Variants in CYB561D1 observed in about 807,000 individuals in gnomAD.
CYB561D1 encodes cytochrome b561 family member D1.
CYB561D1 carries 15 observed loss-of-function variants against 19.2 expected under a neutral mutation model. That is an observed-to-expected ratio of 0.78 (90% CI 0.52 to 1.20). The LOEUF is 1.20. CYB561D1 is among the 50% of genes most tolerant of loss of function. The probability of loss-of-function intolerance (pLI) is 0.00; values close to 1 mark genes in which losing one functional copy is unlikely to be tolerated. For missense variants in CYB561D1, 297 were observed against 287.3 expected (o/e 1.03, Z -0.24); for synonymous variants, 133 against 120.6 (o/e 1.10, Z -0.68).
At chr1:109,494,601 C>A (rs180719061) in intron 1 of CYB561D1, 12 of 1,355,694 alleles carry the variant, frequency 8.9e-6, no homozygotes, top group Admixed American at 2.3e-5. Context: ...CTTTGGGAGG[C>A]CGACGCGGGT....
chr1:109,496,217 G>C lies in CYB561D1; in HGVS notation c.648G>C (p.Gln216His), dbSNP rs1275467066. The C allele has an allele frequency of 5.7e-6, 9 of 1,580,282 alleles. No homozygotes were observed. The highest frequency in any genetic ancestry group is 7.8e-6 in the Non-Finnish European group (9 of 1,156,454). ...PVYPALVIMH[Q>H]ISRSYLPRKK... ...ATCCAGCCCTGGTGATCATGCACCAGATTTCCAGATCCTACTTGCCGAGGA... is the reference window on the plus strand; with the variant it reads ...ATCCAGCCCTGGTGATCATGCACCACATTTCCAGATCCTACTTGCCGAGGA... The change falls in exon 3 of 3, where the codon CAG (glutamine) becomes CAC (histidine). Residue 216 changes from glutamine to histidine, a missense_variant. Transcript: ENST00000420578.
In CYB561D1 at chr1:109,499,174, A is replaced by T. The variant is rs1054016096; in HGVS notation, c.*2915A>T. On this transcript the variant is annotated 3_prime_UTR_variant, in exon 3 of 3. Coordinates refer to ENST00000420578, the MANE Select transcript of CYB561D1 (RefSeq NM_182580.3). ...TGGTATGGAATGGGAGCAGCTCTGT[A>T]TCTGGGGAAGTCCTCCAGCCTCACC... is the stretch of plus-strand genomic sequence containing the variant. 6.6e-6 allele frequency: 1 copy of T among 151,958 alleles called. No individual in the cohort carries two copies. Among genetic ancestry groups the T allele is most frequent in the Non-Finnish European group, 1.5e-5 (1 of 68,040 alleles). The allele number at this position is 151,958 out of a possible 1,614,324, so 9.4% of individuals were successfully genotyped here.
intron 2 of CYB561D1, chr1:109,495,540 T>C: frequency 2.4e-6 from 2 of 821,414 alleles, no homozygotes; most frequent in Non-Finnish European, 3.7e-6. Context: ...TTGTAGAGGT[T>C]GGGATGGGGA....
In CYB561D1 at chr1:109,499,898, G is replaced by GC; in HGVS notation, c.*3640dup. The GC allele has an allele frequency of 6.6e-6, 1 of 152,378 alleles. No individual in the cohort carries two copies. Among genetic ancestry groups the GC allele is most frequent in the African/African-American group, 2.4e-5 (1 of 41,580 alleles). The allele number at this position is 152,378 out of a possible 1,614,324, so 9.4% of individuals were successfully genotyped here. A position where few individuals can be genotyped will look rare whatever the true frequency, so the allele number is the denominator to read the frequency against. ...TGGGAAGGAAGTCAGGAATCTTGCT[G>GC]CTAGCCACGCCTTGCAGTGACTTCT... On this transcript the variant is annotated 3_prime_UTR_variant, in exon 3 of 3. Transcript: ENST00000420578.
In CYB561D1 at chr1:109,495,915, A is replaced by C. The variant is rs1240339285; in HGVS notation, c.346A>C (p.Thr116Pro). 1 of 1,613,986 alleles carries C rather than the reference A, an allele frequency of 6.2e-7. No individual in the cohort carries two copies. ...CCTGGGCTTCATCATCTCCAGCAGG[A>C]CCCGCAGTGAGCTGCCTCATCTGGT... The part of the protein sequence containing the change: ...LGLGFIISSR[T>P]RSELPHLVSW... The change falls in exon 3 of 3, where the codon ACC becomes CCC. Residue 116 changes from threonine (T) to proline (P), a missense_variant. By Grantham distance (38) the Thr-to-Pro change is conservative. Coordinates refer to ENST00000420578, the MANE Select transcript of CYB561D1 (RefSeq NM_182580.3).
In CYB561D1 at chr1:109,499,536, GT is replaced by G. The variant is rs1477989083; in HGVS notation, c.*3278del. 1 of 152,092 alleles carries G rather than the reference GT, an allele frequency of 6.6e-6. No homozygotes were observed. The highest frequency in any genetic ancestry group is 1.5e-5 in the Non-Finnish European group (1 of 68,052). 9.4% of individuals were successfully genotyped at this position (152,092 alleles called of 1,614,324 possible). ...GTGCCACCATATCCAGCTAATTTTTGTATTTTTAGTAGAGATGGGGTTTCAC... is the reference window on the plus strand; with the variant it reads ...GTGCCACCATATCCAGCTAATTTTTGATTTTTAGTAGAGATGGGGTTTCAC... On this transcript the variant is annotated 3_prime_UTR_variant, in exon 3 of 3. Transcript: ENST00000420578.
chr1:109,495,760 G>A lies in CYB561D1; in HGVS notation c.191G>A (p.Cys64Tyr), dbSNP rs1253415718. The A allele has an allele frequency of 1.2e-6, 2 of 1,614,174 alleles. No homozygotes were observed. Among genetic ancestry groups the A allele is most frequent in the East Asian group, 4.5e-5 (2 of 44,892 alleles). ...GGCTCTCTCCTATGTTCACAGTTCT[G>A]CCTCTGCATGGCTGAAGCCATCCTA... Reference protein sequence around the residue: ...WHPVFMALAFCLCMAEAILLF... With the variant: ...WHPVFMALAFYLCMAEAILLF... The change falls in exon 3 of 3, where the codon TGC (cysteine) becomes TAC (tyrosine). Residue 64 changes from cysteine (C) to tyrosine (Y), a missense_variant. By Grantham distance (194) the Cys-to-Tyr change is radical. Coordinates refer to ENST00000420578, the MANE Select transcript of CYB561D1 (RefSeq NM_182580.3).
rs1416543314 is a variant in CYB561D1 at position 109,496,596 on chromosome 1, C to A, written c.*337C>A. The A allele has an allele frequency of 4.8e-6, 1 of 206,506 alleles. No homozygotes were observed. Among genetic ancestry groups the A allele is most frequent in the Non-Finnish European group, 9.7e-6 (1 of 102,660 alleles). The allele number at this position is 206,506 out of a possible 1,614,324, so 12.8% of individuals were successfully genotyped here. On this transcript the variant is annotated 3_prime_UTR_variant, in exon 3 of 3. Coordinates refer to ENST00000420578, the MANE Select transcript of CYB561D1 (RefSeq NM_182580.3). ...GGTTCCTGTAAGTTATGAATGGCATCCAGGGATATTTGGGTTACTTTTAAG... is the reference window on the plus strand; with the variant it reads ...GGTTCCTGTAAGTTATGAATGGCATACAGGGATATTTGGGTTACTTTTAAG...
intron 1 of CYB561D1, among the ~76,000 whole-genome samples, chr1:109,494,931 C>T (rs540215859): frequency 6.6e-6 from 1 of 152,170 alleles, no homozygotes; most frequent in Non-Finnish European, 1.5e-5. Flanking sequence ...ACGGGGAACC[C>T]GGGCCAAACT....
rs1293362075 is a variant in CYB561D1 at position 109,499,283 on chromosome 1, T to G, written c.*3024T>G. 1 of 152,508 alleles carries G rather than the reference T, an allele frequency of 6.6e-6. No homozygotes were observed. Among genetic ancestry groups the G allele is most frequent in the East Asian group, 1.9e-4 (1 of 5,196 alleles). The allele number at this position is 152,508 out of a possible 1,614,324, so 9.4% of individuals were successfully genotyped here. ...CACCCTTTCACAAGGCAGGCTGCCCTTCCGCACTCACTGGCCCATCCCTTC... is the reference window on the plus strand; with the variant it reads ...CACCCTTTCACAAGGCAGGCTGCCCGTCCGCACTCACTGGCCCATCCCTTC... On this transcript the variant is annotated 3_prime_UTR_variant, in exon 3 of 3. Transcript: ENST00000420578.
chr1:109,494,189 GACTGACCCGC>G lies in CYB561D1; in HGVS notation c.51_60del (p.Arg17SerfsTer14). 1.3e-6 allele frequency: 2 copies of G among 1,556,236 alleles called. No homozygotes were observed. Among genetic ancestry groups the G allele is most frequent in the Non-Finnish European group, 8.7e-7 (1 of 1,149,590 alleles). On this transcript the variant is annotated frameshift_variant, in exon 1 of 3. Transcript: ENST00000420578. LOFTEE classifies it high-confidence loss of function. ...GTTCCCGCTCCAGCTGGGGAGCCGA[GACTGACCCGC>G]TGGCTGCGGAGAGGCAGTGGGATCT...
Position 109,496,369 on chromosome 1 carries a change from G to T in CYB561D1, c.*110G>T. On this transcript the variant is annotated 3_prime_UTR_variant, in exon 3 of 3. Transcript: ENST00000420578. Reference sequence around the variant, plus strand: ...AGTGGTCAGGTTTTCGCACTTCTTGGCTGGTCCAGGGACTGCAGAAACCAA... The same window carrying T: ...AGTGGTCAGGTTTTCGCACTTCTTGTCTGGTCCAGGGACTGCAGAAACCAA... 1 of 1,310,472 alleles carries T rather than the reference G, an allele frequency of 7.6e-7. No homozygotes were observed. 81.2% of individuals were successfully genotyped at this position (1,310,472 alleles called of 1,614,324 possible).
At position 109,495,879 on chromosome 1, in the gene CYB561D1, G is replaced by A. The variant is rs1306874546; in HGVS notation, c.310G>A (p.Ala104Thr). 1 of 1,613,822 alleles carries A rather than the reference G, an allele frequency of 6.2e-7. No homozygotes were observed. The highest frequency in any genetic ancestry group is 1.7e-5 in the Admixed American group (1 of 60,016). Residue 104 changes from alanine (A) to threonine (T), a missense_variant, in exon 3 of 3, where the codon GCA (alanine) becomes ACA (threonine). By Grantham distance (58) the Ala-to-Thr change is moderately conservative. Transcript: ENST00000420578. ...AGGGCAGACCCTAGCCATCCTCTGTGCAGCTCTGGGCCTGGGCTTCATCAT... is the reference window on the plus strand; with the variant it reads ...AGGGCAGACCCTAGCCATCCTCTGTACAGCTCTGGGCCTGGGCTTCATCAT... ...WAGQTLAILC[A>T]ALGLGFIISS... is the part of the protein sequence containing the mutation.
intron 2 of CYB561D1, 23 bp from the exon 3 acceptor site, chr1:109,495,733 C>G: frequency 6.2e-7 from 1 of 1,614,214 alleles, no homozygotes; most frequent in Non-Finnish European, 8.5e-7. Flanking sequence ...ATGAGGCTTA[C>G]TGGCTCTCTC....
At chr1:109,494,593 T>G (rs1392056411) in intron 1 of CYB561D1, 1 of 1,373,436 alleles carries the variant, frequency 7.3e-7, no homozygotes, top group Non-Finnish European at 9.6e-7. Context: ...TCCCAGCACT[T>G]TGGGAGGCCG....
chr1:109,499,652 C>G lies in CYB561D1; in HGVS notation c.*3393C>G, dbSNP rs1657790914. ...ACAGGCGTGAGCCACCGTGCCTAGCCAGGTCTTGTTTTGAAAACCTCACTG... is the reference window on the plus strand; with the variant it reads ...ACAGGCGTGAGCCACCGTGCCTAGCGAGGTCTTGTTTTGAAAACCTCACTG... On this transcript the variant is annotated 3_prime_UTR_variant, in exon 3 of 3. Coordinates refer to ENST00000420578, the MANE Select transcript of CYB561D1 (RefSeq NM_182580.3). 1 of 152,324 alleles carries G rather than the reference C, an allele frequency of 6.6e-6. No individual in the cohort carries two copies. Among genetic ancestry groups the G allele is most frequent in the East Asian group, 1.9e-4 (1 of 5,194 alleles). The allele number at this position is 152,324 out of a possible 1,614,324, so 9.4% of individuals were successfully genotyped here. A position where few individuals can be genotyped will look rare whatever the true frequency, so the allele number is the denominator to read the frequency against.
chr1:109,494,867 AAAC>A (rs1453437719), intron 1 of CYB561D1, among the ~76,000 whole-genome samples: 3 of 123,364 alleles, frequency 2.4e-5, no homozygotes, highest in Non-Finnish European at 3.3e-5. Flanking sequence ...CAACCAAAAA[AAAC>A]AAAAAACAAA....
rs1657525332 is a variant in CYB561D1 at position 109,495,966 on chromosome 1, CT to C, written c.398del (p.Leu133ArgfsTer35). The C allele has an allele frequency of 6.2e-7, 1 of 1,612,744 alleles. No homozygotes were observed. Among genetic ancestry groups the C allele is most frequent in the African/African-American group, 1.3e-5 (1 of 74,934 alleles). ...LVSWHSWVGA[L>X]TLLATAVQAL... The stretch of plus-strand genomic sequence containing the variant: ...GTCCTGGCACAGCTGGGTGGGAGCC[CT>C]GACACTGCTGGCCACTGCTGTCCAG... On this transcript the variant is annotated frameshift_variant, in exon 3 of 3. Coordinates refer to ENST00000420578, the MANE Select transcript of CYB561D1 (RefSeq NM_182580.3). LOFTEE classifies it high-confidence loss of function.
chr1:109,495,893 G>A lies in CYB561D1; in HGVS notation c.324G>A (p.Leu108=), dbSNP rs748036863. The change falls in exon 3 of 3, where the codon CTG becomes CTA. Residue 108 remains leucine, a synonymous_variant. Transcript: ENST00000420578. ...TLAILCAALG[L]GFIISSRTRS... ...CCATCCTCTGTGCAGCTCTGGGCCTGGGCTTCATCATCTCCAGCAGGACCC... is the reference window on the plus strand; with the variant it reads ...CCATCCTCTGTGCAGCTCTGGGCCTAGGCTTCATCATCTCCAGCAGGACCC... The A allele has an allele frequency of 2.5e-6, 4 of 1,613,968 alleles. No homozygotes were observed.
Sources: allele counts gnomAD v4.1 joint callset (sites outside exome capture counted in the v4.1 genomes callset), GRCh38; gene constraint gnomAD v4.1.1; transcripts MANE v1.5; gene names NCBI Gene and HGNC (gene_info 2026-07-23, HGNC 2026-07-21).